Variants in ZMAT4 observed in about 807,000 individuals in gnomAD.
ZMAT4 encodes the protein zinc finger matrin-type 4.
ZMAT4 carries 17 observed loss-of-function variants against 28.7 expected under a neutral mutation model. That is an observed-to-expected ratio of 0.59 (90% confidence interval 0.41 to 0.89). ZMAT4 has a LOEUF of 0.89. Among genes scored for constraint, ZMAT4 ranks in the 40% least tolerant of loss-of-function variants. The pLI, the probability that ZMAT4 is intolerant of heterozygous loss-of-function variation, is 0.00. For missense variants in ZMAT4, 240 were observed against 283.8 expected, an observed-to-expected ratio of 0.85 and a Z score of 1.11; for synonymous variants, 117 against 109.2, an observed-to-expected ratio of 1.07 and a Z score of -0.44.
Position 40,772,921 on chromosome 8 carries a change from C to T in ZMAT4, c.103-5191G>A, listed in dbSNP as rs569674130. On this transcript the variant is annotated intron_variant, in intron 2 of 6. Coordinates refer to ENST00000297737, the MANE Select transcript of ZMAT4 (RefSeq NM_024645.3). ...AGAACACGGGTTCCTGCAAAACAAC[C>T]GGCTGATGCGAGATGAGGGACTCCA... 5.3e-5 allele frequency among the ~76,000 whole-genome samples: 8 copies of T among 152,192 alleles called. No individual in the cohort carries two copies. The East Asian group carries it at 7.8e-4, about 15-fold the overall frequency.
chr8:40,633,872 A>G (rs1039201299), intron 5 of ZMAT4, among the ~76,000 whole-genome samples: 1 of 152,206 alleles, frequency 6.6e-6, no homozygotes, highest in Non-Finnish European at 1.5e-5. Context: ...GAGCACCATG[A>G]AGCTCTGCCC....
At chr8:40,614,916 C>T (rs537134828) in intron 5 of ZMAT4, among the ~76,000 whole-genome samples, 3 of 152,228 alleles carry the variant, frequency 2.0e-5, no homozygotes, top group African/African-American at 7.2e-5. Context: ...GAGCATTTAG[C>T]CCATTTACAT....
At chr8:40,890,930 G>A (rs935345958) in intron 1 of ZMAT4, among the ~76,000 whole-genome samples, 4 of 151,672 alleles carry the variant, frequency 2.6e-5, no homozygotes, top group East Asian at 3.9e-4. Flanking sequence ...CACTCCCAGC[G>A]GCTCCTCTGC....
intron 1 of ZMAT4, among the ~76,000 whole-genome samples, chr8:40,832,333 A>C (rs1286284906): frequency 3.3e-5 from 5 of 152,154 alleles, no homozygotes; most frequent in African/African-American, 4.8e-5. Context: ...GGATGGGCTA[A>C]CATCTGCCTG....
At chr8:40,699,639 C>A (rs978248506) in intron 3 of ZMAT4, among the ~76,000 whole-genome samples, 33 of 149,912 alleles carry the variant, frequency 2.2e-4, no homozygotes, top group Admixed American at 2.0e-3. Context: ...TACTACTCAG[C>A]CATAAAAAAG....
At chr8:40,826,402 T>C (rs1250614822) in intron 1 of ZMAT4, among the ~76,000 whole-genome samples, 1 of 152,190 alleles carries the variant, frequency 6.6e-6, no homozygotes, top group Non-Finnish European at 1.5e-5. Flanking sequence ...CAGGAAATTA[T>C]AACATAATTT....
intron 6 of ZMAT4, among the ~76,000 whole-genome samples, chr8:40,554,468 G>C (rs902098051): frequency 6.6e-6 from 1 of 152,084 alleles, no homozygotes; most frequent in Non-Finnish European, 1.5e-5. Context: ...TGTCCTCACA[G>C]AATTTGTCTG....
intron 1 of ZMAT4, among the ~76,000 whole-genome samples, chr8:40,866,964 G>T (rs1299120190): frequency 1.3e-5 from 2 of 152,174 alleles, no homozygotes; most frequent in Non-Finnish European, 2.9e-5. Context: ...ATCTGCAAGA[G>T]CTAGACTGGT....
intron 2 of ZMAT4, among the ~76,000 whole-genome samples, chr8:40,777,985 C>T (rs1278594488): frequency 6.6e-6 from 1 of 152,208 alleles, no homozygotes; most frequent in Admixed American, 6.5e-5. Context: ...GATCCAACCC[C>T]ACAACACACC....
At chr8:40,726,899 G>T (rs555161695) in intron 3 of ZMAT4, among the ~76,000 whole-genome samples, 2 of 152,280 alleles carry the variant, frequency 1.3e-5, no homozygotes, top group African/African-American at 4.8e-5. Flanking sequence ...GTTTGACTAA[G>T]GTAAAGGTCT....
rs557519843 is a variant in ZMAT4, at chr8:40,681,203, A to G, written c.350-6272T>C. ...AGACCAGCCCCATATTTCAATGTCA[A>G]CTCGTTTCCAATAATGCCTACAGAG... On this transcript the variant is annotated intron_variant, in intron 4 of 6. Transcript: ENST00000297737. Among the ~76,000 whole-genome samples the G allele has an allele frequency of 2.0e-5, 3 of 152,226 alleles. No individual in the cohort carries two copies. In the East Asian group the frequency reaches 5.8e-4, roughly 29 times the overall value.
intron 6 of ZMAT4, among the ~76,000 whole-genome samples, chr8:40,552,457 T>C (rs1803395337): frequency 6.6e-6 from 1 of 152,200 alleles, no homozygotes; most frequent in African/African-American, 2.4e-5. Flanking sequence ...CTCTTTCTCA[T>C]ACCAAACTCT....
At chr8:40,578,840 A>G (rs2093829625) in intron 6 of ZMAT4, among the ~76,000 whole-genome samples, 1 of 152,194 alleles carries the variant, frequency 6.6e-6, no homozygotes, top group African/African-American at 2.4e-5. Context: ...AATCACTTCA[A>G]GGAAGTGGAA....
intron 5 of ZMAT4, among the ~76,000 whole-genome samples, chr8:40,620,364 G>A (rs542693799): frequency 2.6e-5 from 4 of 152,318 alleles, no homozygotes; most frequent in Non-Finnish European, 4.4e-5. Flanking sequence ...TCCCCAAAGC[G>A]CGGCAGGGCT....
chr8:40,808,288 A>G (rs1453459996), intron 2 of ZMAT4, among the ~76,000 whole-genome samples: 3 of 152,106 alleles, frequency 2.0e-5, no homozygotes, highest in East Asian at 1.9e-4. Context: ...AAAGGAAACT[A>G]CTATGAGAAC....
intron 5 of ZMAT4, among the ~76,000 whole-genome samples, chr8:40,660,845 C>G (rs375358744): frequency 6.6e-6 from 1 of 152,174 alleles, no homozygotes; most frequent in South Asian, 2.1e-4. Flanking sequence ...TACCTTATCT[C>G]TATGCTTTTA....
chr8:40,574,015 A>G (rs540364258), intron 6 of ZMAT4, among the ~76,000 whole-genome samples: 1 of 152,314 alleles, frequency 6.6e-6, no homozygotes, highest in South Asian at 2.1e-4. Flanking sequence ...CTCTATAATC[A>G]CTGGCACCTG....
At chr8:40,878,096 A>G (rs1327949110) in intron 1 of ZMAT4, among the ~76,000 whole-genome samples, 1 of 152,250 alleles carries the variant, frequency 6.6e-6, no homozygotes, top group East Asian at 1.9e-4. Flanking sequence ...TCTACAATGA[A>G]TGAATGAATG....
rs116036918 is a variant in ZMAT4 at position 40,874,852 on chromosome 8, A to G, written c.-5+22831T>C. 2.2e-3 allele frequency among the ~76,000 whole-genome samples: 339 copies of G among 152,300 alleles called. 1 individual carries two copies. The highest frequency in any genetic ancestry group is 7.2e-3 in the African/African-American group (299 of 41,570). On this transcript the variant is annotated intron_variant, in intron 1 of 6. Transcript: ENST00000297737. ...GTTTCGGACATGGCTTATTTTAGTA[A>G]ACAACATCAAAGAAGGCAGTGATGG... is the stretch of plus-strand genomic sequence containing the variant.
Sources: allele counts gnomAD v4.1 joint callset (sites outside exome capture counted in the v4.1 genomes callset), GRCh38; gene constraint gnomAD v4.1.1; transcripts MANE v1.5; gene names NCBI Gene and HGNC (gene_info 2026-07-23, HGNC 2026-07-21).